SH2D4B: variants seen among roughly 807,000 people sequenced by gnomAD.
SH2D4B encodes the protein SH2 domain-containing protein 4B.
Under a neutral mutation model 61.5 loss-of-function variants are expected in SH2D4B, and 45 were observed. The observed-to-expected ratio is 0.73, with a 90% CI of 0.58 to 0.94. The LOEUF (loss-of-function observed/expected upper bound fraction) is 0.94. Ranked by LOEUF, SH2D4B falls within the 40% of genes least tolerant of loss-of-function variation. SH2D4B has a pLI of 0.00. For missense variants in SH2D4B, 572 were observed against 574.2 expected (o/e 1.00, Z 0.04); for synonymous variants, 224 against 220.4 (o/e 1.02, Z -0.14).
chr10:80,644,164 T>C lies in SH2D4B; in HGVS notation c.*79T>C, dbSNP rs1426231861. 3 of 1,153,216 alleles carry C rather than the reference T, an allele frequency of 2.6e-6. No homozygotes were observed. Among genetic ancestry groups the C allele is most frequent in the African/African-American group, 3.1e-5 (2 of 65,076 alleles). 71.4% of individuals were successfully genotyped at this position (1,153,216 alleles called of 1,614,324 possible). On this transcript the variant is annotated 3_prime_UTR_variant, in exon 8 of 8. Coordinates refer to ENST00000646907, the MANE Select transcript of SH2D4B (RefSeq NM_001388272.1). ...TAAGAACTTCTCATCTCAAATCCTA[T>C]GGCCTTCTGGAAGATCCACCACTAT...
chr10:80,599,063 G>A (rs1025834032), intron 4 of SH2D4B, among the ~76,000 whole-genome samples: 1 of 152,162 alleles, frequency 6.6e-6, no homozygotes, highest in Non-Finnish European at 1.5e-5. Flanking sequence ...TTGACAGAGC[G>A]GAGTGGGAAA....
At chr10:80,638,773 T>C (rs1840236799) in intron 7 of SH2D4B, among the ~76,000 whole-genome samples, 1 of 152,232 alleles carries the variant, frequency 6.6e-6, no homozygotes, top group Admixed American at 6.5e-5. Flanking sequence ...GGGTTTTTTG[T>C]GTGTCTATCT....
intron 3 of SH2D4B, among the ~76,000 whole-genome samples, chr10:80,576,022 C>T (rs1028151073): frequency 1.3e-5 from 2 of 152,234 alleles, no homozygotes; most frequent in Non-Finnish European, 2.9e-5. Context: ...GCTCTAATTT[C>T]TGGCCTTCCT....
chr10:80,587,778 A>G (rs1842277740), intron 3 of SH2D4B, among the ~76,000 whole-genome samples: 3 of 152,082 alleles, frequency 2.0e-5, no homozygotes, highest in Admixed American at 6.6e-5. Context: ...AGTGTCTGTC[A>G]TTCCTGTCTT....
In SH2D4B at chr10:80,644,120, CCT is replaced by C; in HGVS notation, c.*36_*37del. The C allele has an allele frequency of 6.4e-7, 1 of 1,563,244 alleles. No individual in the cohort carries two copies. The highest frequency in any genetic ancestry group is 8.8e-7 in the Non-Finnish European group (1 of 1,135,554). ...TTATCAATTGGATTCATTTTGGTAT[CCT>C]GTTTTTGAACTCAGCTTAAGAACTT... On this transcript the variant is annotated 3_prime_UTR_variant, in exon 8 of 8. Transcript: ENST00000646907.
intron 6 of SH2D4B, among the ~76,000 whole-genome samples, chr10:80,616,381 C>T (rs1310035716): frequency 1.3e-5 from 2 of 152,094 alleles, no homozygotes; most frequent in African/African-American, 4.8e-5. Context: ...CTTGCTTTAG[C>T]GGTTCCAACT....
At chr10:80,544,330 G>A (rs529198970) in intron 1 of SH2D4B, among the ~76,000 whole-genome samples, 16 of 152,234 alleles carry the variant, frequency 1.1e-4, no homozygotes, top group African/African-American at 1.7e-4. Flanking sequence ...AAGAAACTCC[G>A]AACACATCTG....
chr10:80,548,214 G>T (rs1249313613), intron 1 of SH2D4B, among the ~76,000 whole-genome samples: 2 of 152,148 alleles, frequency 1.3e-5, no homozygotes, highest in African/African-American at 4.8e-5. Context: ...GCCCAGGCTG[G>T]AGTGCACTGA....
intron 6 of SH2D4B, among the ~76,000 whole-genome samples, chr10:80,624,407 G>A (rs1842749644): frequency 6.6e-6 from 1 of 152,190 alleles, no homozygotes; most frequent in Admixed American, 6.5e-5. Context: ...TTTCCTGTCT[G>A]GCAGGGACCT....
intron 1 of SH2D4B, among the ~76,000 whole-genome samples, chr10:80,543,599 G>A (rs908896932): frequency 5.9e-5 from 9 of 152,254 alleles, no homozygotes; most frequent in African/African-American, 2.2e-4. Context: ...AGGAGTGCGG[G>A]CGCACCGCGC....
chr10:80,606,160 T>C (rs112891778), intron 5 of SH2D4B, among the ~76,000 whole-genome samples: 34 of 152,182 alleles, frequency 2.2e-4, no homozygotes, highest in African/African-American at 7.5e-4. Flanking sequence ...CCTCATCTGT[T>C]TGTGCTAAGA....
intron 6 of SH2D4B, among the ~76,000 whole-genome samples, chr10:80,614,808 C>T (rs1055442674): frequency 7.9e-5 from 12 of 152,232 alleles, no homozygotes; most frequent in African/African-American, 2.4e-4. Context: ...CTGGGGCTGG[C>T]CACAGGGTAG....
At position 80,618,688 on chromosome 10, in the gene SH2D4B, C is replaced by A. The variant is rs969309419; in HGVS notation, c.988+9137C>A. 4.6e-5 allele frequency among the ~76,000 whole-genome samples: 7 copies of A among 152,116 alleles called. No homozygotes were observed. The East Asian group carries it at 1.3e-3, about 29-fold the overall frequency. On this transcript the variant is annotated intron_variant, in intron 6 of 7. Coordinates refer to ENST00000646907, the MANE Select transcript of SH2D4B (RefSeq NM_001388272.1). ...ATGGAGGTGTTGTCAGCCGTTGAGG[C>A]GTAGCTGCGGTGAAAGCTTTAAGAA...
intron 1 of SH2D4B, among the ~76,000 whole-genome samples, chr10:80,555,935 A>G (rs1052154845): frequency 1.3e-5 from 2 of 152,254 alleles, no homozygotes; most frequent in African/African-American, 4.8e-5. Flanking sequence ...TTCTGGATGC[A>G]GTGACCTTGC....
In SH2D4B at chr10:80,609,516, A is replaced by G. The variant is rs775919756; in HGVS notation, c.953A>G (p.Glu318Gly). 9.3e-6 allele frequency: 15 copies of G among 1,614,078 alleles called. No individual in the cohort carries two copies. The highest frequency in any genetic ancestry group is 1.7e-5 in the Admixed American group (1 of 60,008). The change falls in exon 6 of 8, where the codon GAG becomes GGG. Residue 318 changes from glutamate (E) to glycine (G), a missense_variant. Transcript: ENST00000646907. ...EEQLPRRAGF[E>G]RNTKFIAPWF... is the part of the protein sequence containing the mutation. ...CAGCTGCCTCGCCGAGCTGGCTTCGAGAGGAACACCAAGTTCATCGCCCCC... is the reference window on the plus strand; with the variant it reads ...CAGCTGCCTCGCCGAGCTGGCTTCGGGAGGAACACCAAGTTCATCGCCCCC...
At chr10:80,601,107 C>G (rs1842448401) in intron 4 of SH2D4B, among the ~76,000 whole-genome samples, 1 of 152,144 alleles carries the variant, frequency 6.6e-6, no homozygotes, top group South Asian at 2.1e-4. Context: ...TTGAGGAACA[C>G]AAAAAGTGGA....
At chr10:80,551,548 C>A (rs1841761697) in intron 1 of SH2D4B, among the ~76,000 whole-genome samples, 1 of 151,986 alleles carries the variant, frequency 6.6e-6, no homozygotes, top group African/African-American at 2.4e-5. Context: ...AAAAAATGAA[C>A]AAGCAATTGC....
intron 6 of SH2D4B, among the ~76,000 whole-genome samples, chr10:80,633,887 A>G (rs1404443394): frequency 6.6e-6 from 1 of 152,226 alleles, no homozygotes; most frequent in Non-Finnish European, 1.5e-5. Flanking sequence ...GCCATTCTGG[A>G]CTAGTCTTTA....
At chr10:80,612,116 A>G (rs1207107240) in intron 6 of SH2D4B, among the ~76,000 whole-genome samples, 1 of 145,924 alleles carries the variant, frequency 6.9e-6, no homozygotes, top group Non-Finnish European at 1.5e-5. Context: ...AGTCATGGTT[A>G]TTTTTATATA....
Sources: gnomAD v4.1 joint callset for allele counts (sites outside exome capture counted in the v4.1 genomes callset) on GRCh38, gnomAD v4.1.1 for gene constraint, MANE v1.5 for transcripts, NCBI Gene and HGNC (gene_info 2026-07-23, HGNC 2026-07-21) for gene names.